Variants in LAMB1 observed in about 807,000 individuals in gnomAD.
LAMB1 encodes laminin subunit beta-1.
Under a neutral mutation model 222.3 loss-of-function variants are expected in LAMB1, and 121 were observed. The ratio of observed to expected loss-of-function variants is 0.54; its 90% CI spans 0.47 to 0.63. LAMB1 has a LOEUF of 0.63. Among genes scored for constraint, LAMB1 ranks in the 30% least tolerant of loss-of-function variants. The probability of loss-of-function intolerance (pLI) is 0.00; values close to 1 mark genes in which losing one functional copy is unlikely to be tolerated. For missense variants in LAMB1, 2,172 were observed against 2,240.8 expected (o/e 0.97, Z 0.62); for synonymous variants, 794 against 807.2 (o/e 0.98, Z 0.28).
At chr7:107,951,960 GCT>G in intron 23 of LAMB1, 47 bp downstream of exon 23, 8 of 1,506,640 alleles carry the variant, frequency 5.3e-6, no homozygotes, top group Non-Finnish European at 7.2e-6. Flanking sequence ...GTCACCATGG[GCT>G]GACACCTGAG....
At chr7:107,985,814 G>A (rs1185091496) in intron 7 of LAMB1, among the ~76,000 whole-genome samples, 1 of 151,508 alleles carries the variant, frequency 6.6e-6, no homozygotes, top group Admixed American at 6.6e-5. Context: ...AAAATTAGCT[G>A]GGCGTGGTGG....
In LAMB1 at chr7:107,950,340, A is replaced by G. The variant is rs181136016; in HGVS notation, c.3391+886T>C. The stretch of plus-strand genomic sequence containing the variant: ...AGAAAATTTTTATCCATAATGATCA[A>G]TTAAAAACAGGGAAGAAAATCAAGT... On this transcript the variant is annotated intron_variant, in intron 24 of 33. Coordinates refer to ENST00000222399, the MANE Select transcript of LAMB1 (RefSeq NM_002291.3). Among the ~76,000 whole-genome samples, 38 of 152,356 alleles carry G rather than the reference A, an allele frequency of 2.5e-4. 1 individual carries two copies. In the Middle Eastern group the frequency reaches 0.01, roughly 41 times the overall value.
chr7:107,955,294 T>C (rs1317922348), intron 21 of LAMB1, among the ~76,000 whole-genome samples, 173 bp downstream of exon 21: 1 of 152,214 alleles, frequency 6.6e-6, no homozygotes, highest in Non-Finnish European at 1.5e-5. Flanking sequence ...TCAATATGAA[T>C]TGACTCCACT....
At chr7:107,987,371 C>T (rs145345370) in intron 5 of LAMB1, among the ~76,000 whole-genome samples, 174 of 152,182 alleles carry the variant, frequency 1.1e-3, no homozygotes, top group Non-Finnish European at 2.1e-3. Flanking sequence ...TTAGTGGTTG[C>T]TCAACATTGT....
intron 3 of LAMB1, 60 bp downstream of exon 3, chr7:108,001,498 C>T (rs1410615901): frequency 3.3e-6 from 5 of 1,497,120 alleles, no homozygotes; most frequent in Middle Eastern, 3.6e-4. Flanking sequence ...AGGGCCTGCC[C>T]CTTAGGTCTG....
intron 21 of LAMB1, 59 bp from the exon 22 acceptor site, chr7:107,953,813 T>C (rs1458178301): frequency 5.5e-5 from 79 of 1,438,032 alleles, no homozygotes; most frequent in Non-Finnish European, 6.8e-5. Flanking sequence ...AGCTCACCAG[T>C]GCACCGACAC....
intron 24 of LAMB1, 76 bp downstream of exon 24, chr7:107,951,150 T>C (rs1030594680): frequency 3.8e-6 from 4 of 1,053,086 alleles, no homozygotes; most frequent in Admixed American, 1.9e-5. Context: ...TGTTTTATAA[T>C]TTACAGAAGG....
chr7:107,990,832 T>G (rs2034168253), intron 5 of LAMB1, among the ~76,000 whole-genome samples: 1 of 152,186 alleles, frequency 6.6e-6, no homozygotes, highest in Non-Finnish European at 1.5e-5. Flanking sequence ...TGAAAAAGCT[T>G]TCTAAGATAT....
At chr7:107,929,235 G>A in intron 30 of LAMB1, 30 bp from the exon 31 acceptor site, 1 of 1,611,752 alleles carries the variant, frequency 6.2e-7, no homozygotes, top group Non-Finnish European at 8.5e-7. Context: ...ACAGTATATT[G>A]TTGCTGAACA....
intron 8 of LAMB1, among the ~76,000 whole-genome samples, chr7:107,978,849 G>A (rs898409441): frequency 2.0e-5 from 3 of 152,154 alleles, no homozygotes; most frequent in Middle Eastern, 3.2e-3. Flanking sequence ...GCACACTTAC[G>A]ACCCTTGAGG....
chr7:108,001,885 A>G, intron 2 of LAMB1, 152 bp from the exon 3 acceptor site: 1 of 1,471,040 alleles, frequency 6.8e-7, no homozygotes, highest in Non-Finnish European at 9.0e-7. Context: ...TGGAGAGATG[A>G]GCGCAGGAGA....
Position 107,961,205 on chromosome 7 carries a change from C to T in LAMB1, c.2109+1G>A, listed in dbSNP as rs387907344. 6.2e-7 allele frequency: 1 copy of T among 1,613,880 alleles called. No homozygotes were observed. Among genetic ancestry groups the T allele is most frequent in the Non-Finnish European group, 8.5e-7 (1 of 1,180,010 alleles). On this transcript the variant is annotated splice_donor_variant, in intron 17 of 33. Coordinates refer to ENST00000222399, the MANE Select transcript of LAMB1 (RefSeq NM_002291.3). LOFTEE classifies it high-confidence loss of function. ...TATGCCAGAAGCAATCTCGCACTTA[C>T]AGAATCGATCAGCGTGTAGGGGCTC...
chr7:107,925,599 G>A (rs2032543777), intron 32 of LAMB1, among the ~76,000 whole-genome samples: 1 of 152,066 alleles, frequency 6.6e-6, no homozygotes, highest in Non-Finnish European at 1.5e-5. Flanking sequence ...TTAGAAATAA[G>A]CATTATTGAG....
At chr7:107,972,177 G>A (rs1334797978) in intron 13 of LAMB1, among the ~76,000 whole-genome samples, 1 of 152,156 alleles carries the variant, frequency 6.6e-6, no homozygotes, top group Non-Finnish European at 1.5e-5. Context: ...AAATAAAGAG[G>A]ACAAACACAA....
At position 107,974,966 on chromosome 7, in the gene LAMB1, C is replaced by T. The variant is rs761696798; in HGVS notation, c.1482+20G>A. 35 of 1,367,950 alleles carry T rather than the reference C, an allele frequency of 2.6e-5. No homozygotes were observed. The East Asian group carries it at 4.6e-4, about 18-fold the overall frequency. The allele number at this position is 1,367,950 out of a possible 1,614,324, so 84.7% of individuals were successfully genotyped here. ...TCATCCTCACCAACCACCCATCCCACGTAATGAGGATTTACTTACCAGGCA... is the reference window on the plus strand; with the variant it reads ...TCATCCTCACCAACCACCCATCCCATGTAATGAGGATTTACTTACCAGGCA... On this transcript the variant is annotated intron_variant, in intron 12 of 33. Transcript: ENST00000222399.
intron 24 of LAMB1, among the ~76,000 whole-genome samples, chr7:107,947,972 A>ATCTTCT (rs757631649): frequency 7.4e-6 from 1 of 135,128 alleles, no homozygotes; most frequent in Non-Finnish European, 1.5e-5. Context: ...AACATTTTAT[A>ATCTTCT]TCTTCTTCTT....
chr7:107,966,140 G>T (rs772234313), intron 13 of LAMB1, among the ~76,000 whole-genome samples: 1 of 152,010 alleles, frequency 6.6e-6, no homozygotes, highest in African/African-American at 2.4e-5. Flanking sequence ...CGACCCTGCC[G>T]CAGCATAGCT....
intron 31 of LAMB1, among the ~76,000 whole-genome samples, chr7:107,928,271 GCTATAAGTGCT>G (rs1366819548): frequency 6.6e-6 from 1 of 152,116 alleles, no homozygotes; most frequent in Non-Finnish European, 1.5e-5. Flanking sequence ...AGATTGTTTA[GCTATAAGTGCT>G]CTATTAGGTT....
intron 5 of LAMB1, among the ~76,000 whole-genome samples, chr7:107,990,303 G>C (rs1004104404): frequency 2.0e-5 from 3 of 152,110 alleles, no homozygotes; most frequent in Non-Finnish European, 4.4e-5. Context: ...GCACCCCCAA[G>C]TGTTGGGATT....
Sources: gnomAD v4.1 joint callset for allele counts (sites outside exome capture counted in the v4.1 genomes callset) on GRCh38, gnomAD v4.1.1 for gene constraint, MANE v1.5 for transcripts, NCBI Gene and HGNC (gene_info 2026-07-23, HGNC 2026-07-21) for gene names.